Variants in WAC observed in about 807,000 individuals in gnomAD.
WAC encodes WW domain containing adaptor with coiled-coil.
A neutral mutation model predicts 79.6 loss-of-function variants in WAC; 11 were observed. That is an observed-to-expected ratio of 0.14 (90% confidence interval 0.09 to 0.23). WAC has a LOEUF of 0.23. Among genes scored for constraint, WAC ranks in the 10% least tolerant of loss-of-function variants. WAC has a pLI of 1.00. For missense variants in WAC, 728 were observed against 773.5 expected (o/e 0.94, Z 0.70); for synonymous variants, 304 against 276.9 (o/e 1.10, Z -0.97).
At chr10:28,567,943 G>C (rs1206739881) in intron 3 of WAC, among the ~76,000 whole-genome samples, 1 of 152,084 alleles carries the variant, frequency 6.6e-6, no homozygotes, top group Non-Finnish European at 1.5e-5. Flanking sequence ...TCGCTATGTT[G>C]CCCAAGCTGG....
intron 3 of WAC, among the ~76,000 whole-genome samples, chr10:28,537,418 T>C (rs937076964): frequency 1.3e-5 from 2 of 152,140 alleles, no homozygotes; most frequent in Admixed American, 6.6e-5. Context: ...TTTTGAAAAA[T>C]TTGGTGATTG....
chr10:28,567,277 C>A (rs1006889322), intron 3 of WAC, among the ~76,000 whole-genome samples: 2 of 150,908 alleles, frequency 1.3e-5, no homozygotes, highest in African/African-American at 2.4e-5. Flanking sequence ...ATGTTGTATA[C>A]CCCCACTTCC....
At chr10:28,538,880 AAAAAG>A (rs1177434747) in intron 3 of WAC, among the ~76,000 whole-genome samples, 4 of 151,410 alleles carry the variant, frequency 2.6e-5, no homozygotes, top group Admixed American at 2.0e-4. Flanking sequence ...AAAAAAAAAA[AAAAAG>A]AAAAAAATTA....
At chr10:28,536,157 G>T (rs1363529804) in intron 3 of WAC, among the ~76,000 whole-genome samples, 1 of 151,598 alleles carries the variant, frequency 6.6e-6, no homozygotes. Flanking sequence ...TAAGGTAGGA[G>T]AATCACTTGA....
At chr10:28,583,661 AT>A (rs1351713288) in intron 4 of WAC, among the ~76,000 whole-genome samples, 156 bp downstream of exon 4, 2 of 151,530 alleles carry the variant, frequency 1.3e-5, no homozygotes, top group Non-Finnish European at 2.9e-5. Flanking sequence ...TATTATTATT[AT>A]CCTATTTTAA....
intron 6 of WAC, among the ~76,000 whole-genome samples, chr10:28,592,181 A>G (rs1416268178): frequency 6.6e-6 from 1 of 152,232 alleles, no homozygotes; most frequent in African/African-American, 2.4e-5. Flanking sequence ...GAAGAATTAG[A>G]TTCTAGTCCC....
chr10:28,545,040 C>CA lies in WAC; in HGVS notation c.274+9303dup, dbSNP rs71391049. ...TGGGTGACAGAGTGAGACTCTGTCT[C>CA]AAAAAAAAAAAAAAAAAAAATGGTA... On this transcript the variant is annotated intron_variant, in intron 3 of 13. Coordinates refer to ENST00000354911, the MANE Select transcript of WAC (RefSeq NM_016628.5). Among the ~76,000 whole-genome samples, 360 of 114,446 alleles carry CA rather than the reference C, an allele frequency of 3.1e-3. 2 individuals are homozygous for CA. The highest frequency in any genetic ancestry group is 8.2e-3 in the African/African-American group (255 of 31,152). The allele number at this position is 114,446 out of a possible 152,430, so 75.1% of individuals were successfully genotyped here. A position where few individuals can be genotyped will look rare whatever the true frequency, so the allele number is the denominator to read the frequency against.
At chr10:28,542,525 G>A (rs559806694) in intron 3 of WAC, among the ~76,000 whole-genome samples, 1 of 152,266 alleles carries the variant, frequency 6.6e-6, no homozygotes, top group South Asian at 2.1e-4. Context: ...GAATAACACC[G>A]CAATAAATGG....
chr10:28,612,972 T>C (rs1378199417), intron 10 of WAC, among the ~76,000 whole-genome samples: 1 of 152,172 alleles, frequency 6.6e-6, no homozygotes, highest in Non-Finnish European at 1.5e-5. Context: ...TAGTCACTTG[T>C]AAACTGAGCA....
chr10:28,619,273 C>G (rs781468353), intron 13 of WAC, among the ~76,000 whole-genome samples: 2 of 152,190 alleles, frequency 1.3e-5, no homozygotes, highest in Non-Finnish European at 2.9e-5. Flanking sequence ...GAGCAAGACT[C>G]TGTCTCAAAA....
intron 7 of WAC, among the ~76,000 whole-genome samples, chr10:28,599,279 C>G (rs1336661781): frequency 2.0e-5 from 3 of 152,176 alleles, no homozygotes; most frequent in Admixed American, 6.5e-5. Context: ...TTCTTAAGCA[C>G]TGATAGTATA....
chr10:28,613,098 C>G (rs1351456838), intron 10 of WAC, among the ~76,000 whole-genome samples: 3 of 152,036 alleles, frequency 2.0e-5, no homozygotes, highest in Admixed American at 2.0e-4. Flanking sequence ...GACCCCATCT[C>G]TACAAAAATA....
At chr10:28,564,468 G>A (rs779406808) in intron 3 of WAC, among the ~76,000 whole-genome samples, 6 of 152,090 alleles carry the variant, frequency 3.9e-5, no homozygotes, top group Non-Finnish European at 8.8e-5. Flanking sequence ...ACACATTAGT[G>A]GAAATTAAGG....
intron 4 of WAC, among the ~76,000 whole-genome samples, chr10:28,586,797 AAAAT>A (rs140457935): frequency 0.017 from 2,613 of 152,292 alleles, 77 homozygotes; most frequent in African/African-American, 0.059. Flanking sequence ...AATTAGGAAA[AAAAT>A]GTTGCTTATT....
At chr10:28,588,533 C>T (rs1839932623) in intron 4 of WAC, among the ~76,000 whole-genome samples, 1 of 152,098 alleles carries the variant, frequency 6.6e-6, no homozygotes, top group Non-Finnish European at 1.5e-5. Context: ...GTTTTGTGAC[C>T]TATAGACAAC....
intron 6 of WAC, among the ~76,000 whole-genome samples, chr10:28,595,462 A>G (rs893084793): frequency 6.6e-6 from 1 of 151,992 alleles, no homozygotes; most frequent in African/African-American, 2.4e-5. Flanking sequence ...GTGTGATTCT[A>G]AGGAATCCTT....
intron 3 of WAC, among the ~76,000 whole-genome samples, chr10:28,545,221 G>A (rs1274392216): frequency 6.6e-6 from 1 of 152,128 alleles, no homozygotes; most frequent in Non-Finnish European, 1.5e-5. Flanking sequence ...GCCGGGCACA[G>A]TGGGTCATGC....
intron 7 of WAC, among the ~76,000 whole-genome samples, chr10:28,607,620 G>C (rs545182940): frequency 6.6e-6 from 1 of 152,276 alleles, no homozygotes; most frequent in South Asian, 2.1e-4. Flanking sequence ...AGGGAAGTAT[G>C]TAGTTACAAA....
At chr10:28,563,421 G>C (rs1838407681) in intron 3 of WAC, among the ~76,000 whole-genome samples, 1 of 152,144 alleles carries the variant, frequency 6.6e-6, no homozygotes, top group South Asian at 2.1e-4. Context: ...TTCTTAAAAT[G>C]CTATATTTTG....
Sources: allele counts gnomAD v4.1 joint callset (sites outside exome capture counted in the v4.1 genomes callset), GRCh38; gene constraint gnomAD v4.1.1; transcripts MANE v1.5; gene names NCBI Gene and HGNC (gene_info 2026-07-23, HGNC 2026-07-21).